MAD2L2: variants seen among roughly 807,000 people sequenced by gnomAD.
The protein encoded by MAD2L2 is mitotic spindle assembly checkpoint protein MAD2B.
MAD2L2 carries 17 observed loss-of-function variants against 30.5 expected under a neutral mutation model. The ratio of observed to expected loss-of-function variants is 0.56; its 90% CI spans 0.38 to 0.84. MAD2L2 has a LOEUF of 0.84. MAD2L2 is among the 40% of genes least tolerant of loss of function. MAD2L2 has a pLI of 0.00. For missense variants in MAD2L2, 213 were observed against 277.4 expected (o/e 0.77, Z 1.65); for synonymous variants, 101 against 113.9 (o/e 0.89, Z 0.72).
Position 11,674,632 on chromosome 1 carries a change from T to TG in MAD2L2, c.*142dup, listed in dbSNP as rs1640724359. On this transcript the variant is annotated 3_prime_UTR_variant, in exon 9 of 9. Coordinates refer to ENST00000376692, the MANE Select transcript of MAD2L2 (RefSeq NM_006341.4). The surrounding 1 kb of genome is among the most constrained non-coding windows in gnomAD (Gnocchi z 6.1). ...GGGGGAGGCATCCTCCAAGCAGACC[T>TG]GAGCGGCCCCGGGCTGGGGCGGGCG... 3.6e-6 allele frequency: 3 copies of TG among 833,372 alleles called. No individual in the cohort carries two copies. The highest frequency in any genetic ancestry group is 5.8e-6 in the Non-Finnish European group (3 of 514,706). The allele number at this position is 833,372 out of a possible 1,614,324, so 51.6% of individuals were successfully genotyped here.
At chr1:11,680,890 G>C (rs760439003) in intron 1 of MAD2L2, 149 bp downstream of exon 1, 7 of 730,308 alleles carry the variant, frequency 9.6e-6, no homozygotes, top group Non-Finnish European at 1.3e-5. Flanking sequence ...GCAGGGCCGC[G>C]GACGCAGAGG....
chr1:11,683,616 A>G (rs1640910843), upstream of MAD2L2, among the ~76,000 whole-genome samples: 1 of 152,130 alleles, frequency 6.6e-6, no homozygotes, highest in Non-Finnish European at 1.5e-5. Context: ...GGATGCACCA[A>G]AATCTCAGCA....
intron 1 of MAD2L2, among the ~76,000 whole-genome samples, chr1:11,686,207 A>T (rs1367014659): frequency 6.6e-6 from 1 of 152,104 alleles, no homozygotes; most frequent in Non-Finnish European, 1.5e-5. Context: ...ACGGAACAAG[A>T]TGCCTAAAGA....
chr1:11,677,319 C>T lies in MAD2L2; in HGVS notation c.231+224G>A, dbSNP rs28924108. 2,547 of 600,340 alleles carry T rather than the reference C, an allele frequency of 4.2e-3. 46 individuals carry two copies. The African/African-American group carries it at 0.042, about 10-fold the overall frequency. The allele number at this position is 600,340 out of a possible 1,614,324, so 37.2% of individuals were successfully genotyped here. ...AGCCCCTACTTAGAGCCAGCTCCAA[C>T]CCGGGCTCCCAGGCCCAAGGCACCC... On this transcript the variant is annotated intron_variant, in intron 4 of 8. Coordinates refer to ENST00000376692, the MANE Select transcript of MAD2L2 (RefSeq NM_006341.4).
chr1:11,675,836 C>G (rs764049519), intron 6 of MAD2L2, 105 bp from the exon 7 acceptor site: 6 of 1,038,922 alleles, frequency 5.8e-6, no homozygotes, highest in Admixed American at 5.1e-5. Context: ...ACCCCCAGAG[C>G]AGATGGCAAA....
At chr1:11,689,661 T>A (rs1180600384) in intron 1 of MAD2L2, among the ~76,000 whole-genome samples, 5 of 152,166 alleles carry the variant, frequency 3.3e-5, no homozygotes, top group African/African-American at 1.2e-4. Context: ...TAGCACATCA[T>A]CAGGAAATAA....
chr1:11,682,979 T>C (rs1337127810), upstream of MAD2L2, among the ~76,000 whole-genome samples: 2 of 152,226 alleles, frequency 1.3e-5, no homozygotes, highest in African/African-American at 2.4e-5. Context: ...TCCTTGAGAC[T>C]GACTCATTGC....
chr1:11,689,549 T>C (rs912921195), intron 1 of MAD2L2, among the ~76,000 whole-genome samples: 1 of 152,060 alleles, frequency 6.6e-6, no homozygotes, highest in Non-Finnish European at 1.5e-5. Flanking sequence ...TGAGCTGAGA[T>C]TGTGCCACTG....
In MAD2L2 at chr1:11,688,515, C is replaced by T. The variant is rs1641002134; in HGVS notation, c.-692+2898G>A. 6.6e-6 allele frequency among the ~76,000 whole-genome samples: 1 copy of T among 151,692 alleles called. No homozygotes were observed. Among genetic ancestry groups the T allele is most frequent in the South Asian group, 2.1e-4 (1 of 4,816 alleles). On this transcript the variant is annotated intron_variant, in intron 1 of 10. Coordinates refer to the MAD2L2 transcript ENST00000235310. The surrounding 1 kb of genome is among the most constrained non-coding windows in gnomAD (Gnocchi z 4.6). ...GGCAGAGGTTGCAGTGAGCCAAGAT[C>T]GCGCCACTGCACTCCAGCCTGGACA... is the stretch of plus-strand genomic sequence containing the variant.
Position 11,674,895 on chromosome 1 carries a change from G to C in MAD2L2, c.595-79C>G. 1 of 1,534,802 alleles carries C rather than the reference G, an allele frequency of 6.5e-7. No homozygotes were observed. Among genetic ancestry groups the C allele is most frequent in the Non-Finnish European group, 9.0e-7 (1 of 1,109,504 alleles). ...CTGGAGGACACAGAAGCCCCTGGTG[G>C]GCAGACCTCCACCACAGGTGGGGCC... On this transcript the variant is annotated intron_variant, in intron 8 of 8. Coordinates refer to ENST00000376692, the MANE Select transcript of MAD2L2 (RefSeq NM_006341.4). The surrounding 1 kb of genome is among the most constrained non-coding windows in gnomAD (Gnocchi z 6.1).
rs1251954590 is a variant in MAD2L2 at position 11,690,750 on chromosome 1, G to A, written c.-692+663C>T. ...CGTGGCCCCACCGACCCCGTCGTGA[G>A]TTATGGGAGGCACGGGACCCATAAC... is the stretch of plus-strand genomic sequence containing the variant. On this transcript the variant is annotated intron_variant, in intron 1 of 10. Transcript: ENST00000235310. The surrounding 1 kb of genome is among the most constrained non-coding windows in gnomAD (Gnocchi z 4.2). 1.3e-5 allele frequency among the ~76,000 whole-genome samples: 2 copies of A among 152,156 alleles called. No individual in the cohort carries two copies. The highest frequency in any genetic ancestry group is 2.9e-5 in the Non-Finnish European group (2 of 68,022).
intron 3 of MAD2L2, among the ~76,000 whole-genome samples, chr1:11,679,822 C>T (rs1480719750): frequency 6.6e-6 from 1 of 151,416 alleles, no homozygotes; most frequent in Non-Finnish European, 1.5e-5. Flanking sequence ...CCACCATGCC[C>T]GGCCACCCCC....
intron 1 of MAD2L2, 41 bp from the exon 2 acceptor site, chr1:11,680,654 C>G (rs1640858350): frequency 4.6e-6 from 7 of 1,513,384 alleles, no homozygotes; most frequent in African/African-American, 2.8e-5. Flanking sequence ...TCCAGAGACC[C>G]AGGAGCCCAG....
intron 1 of MAD2L2, among the ~76,000 whole-genome samples, chr1:11,686,723 CACA>C (rs1640962127): frequency 6.8e-6 from 1 of 146,206 alleles, no homozygotes; most frequent in South Asian, 2.2e-4. Context: ...AAATGCCTTA[CACA>C]ACATCAGGAG....
chr1:11,680,657 G>A (rs937328227), intron 1 of MAD2L2, 44 bp from the exon 2 acceptor site: 99 of 1,512,726 alleles, frequency 6.5e-5, no homozygotes, highest in Non-Finnish European at 8.3e-5. Flanking sequence ...AGAGACCCAG[G>A]AGCCCAGAAC....
At position 11,674,497 on chromosome 1, in the gene MAD2L2, G is replaced by A. The variant is rs1295668015; in HGVS notation, c.*278C>T. 6 of 388,416 alleles carry A rather than the reference G, an allele frequency of 1.5e-5. No individual in the cohort carries two copies. 24.1% of individuals were successfully genotyped at this position (388,416 alleles called of 1,614,324 possible). A position where few individuals can be genotyped will look rare whatever the true frequency, so the allele number is the denominator to read the frequency against. On this transcript the variant is annotated 3_prime_UTR_variant, in exon 9 of 9. Coordinates refer to ENST00000376692, the MANE Select transcript of MAD2L2 (RefSeq NM_006341.4). The surrounding 1 kb of genome is among the most constrained non-coding windows in gnomAD (Gnocchi z 6.1). ...GGCTCAGCTCAGCCCAGCCCTTGGG[G>A]CCCCTTTATTGAAACAACTCACAGC...
chr1:11,675,694 G>A lies in MAD2L2; in HGVS notation c.465C>T (p.Ala155=), dbSNP rs776999328. The change falls in exon 7 of 9, where the codon GCC becomes GCT. Residue 155 remains alanine, a synonymous_variant. Coordinates refer to ENST00000376692, the MANE Select transcript of MAD2L2 (RefSeq NM_006341.4). Reference sequence around the variant, plus strand: ...GGATCTTCTCCATGTTGCGAGTGGCGGCTTCTCTCGTGTGCACCAGGACTG... The same window carrying A: ...GGATCTTCTCCATGTTGCGAGTGGCAGCTTCTCTCGTGTGCACCAGGACTG... ...TFTVLVHTRE[A]ATRNMEKIQV... 9.9e-6 allele frequency: 16 copies of A among 1,613,950 alleles called. No homozygotes were observed. The highest frequency in any genetic ancestry group is 4.0e-5 in the African/African-American group (3 of 74,916).
Position 11,680,623 on chromosome 1 carries a change from G to C in MAD2L2, c.-12-10C>G, listed in dbSNP as rs1261802367. ...TCATCCTTCCCGCTACCTGAGTGTTGGGGCAAGGGCAGAGGGTAGTTCCAG... is the reference window on the plus strand; with the variant it reads ...TCATCCTTCCCGCTACCTGAGTGTTCGGGCAAGGGCAGAGGGTAGTTCCAG... On this transcript the variant is annotated splice_polypyrimidine_tract_variant and intron_variant, in intron 1 of 8. Transcript: ENST00000376692. 1 of 1,552,476 alleles carries C rather than the reference G, an allele frequency of 6.4e-7. No homozygotes were observed. Among genetic ancestry groups the C allele is most frequent in the South Asian group, 1.2e-5 (1 of 81,708 alleles).
intron 3 of MAD2L2, among the ~76,000 whole-genome samples, chr1:11,677,996 G>C (rs561192765): frequency 2.0e-5 from 3 of 149,108 alleles, no homozygotes; most frequent in Non-Finnish European, 4.4e-5. Context: ...GGCGGAGGTT[G>C]CAGTGAGCCG....
Sources: allele counts gnomAD v4.1 joint callset (sites outside exome capture counted in the v4.1 genomes callset), GRCh38; gene constraint gnomAD v4.1.1; non-coding constraint Gnocchi (gnomAD v3.1); transcripts MANE v1.5; gene names NCBI Gene and HGNC (gene_info 2026-07-23, HGNC 2026-07-21).